Variants in DPYD observed in about 807,000 individuals in gnomAD.
The protein encoded by DPYD is dihydropyrimidine dehydrogenase.
In DPYD, 109 loss-of-function variants were observed where a neutral mutation model predicts 116.2. That is an observed-to-expected ratio of 0.94 (90% CI 0.80 to 1.10). The LOEUF (loss-of-function observed/expected upper bound fraction) is 1.10, where lower values mean the gene tolerates loss of function less well. Among genes scored for constraint, DPYD ranks in the 50% least tolerant of loss-of-function variants. The pLI is 0.00. For synonymous variants in DPYD, 440 were observed against 432.0 expected (o/e 1.02, Z -0.23); for missense variants, 1,302 against 1,254.5 (o/e 1.04, Z -0.57).
chr1:97,596,768 T>C (rs2786493), intron 8 of DPYD, among the ~76,000 whole-genome samples: 2,441 of 152,306 alleles, frequency 0.016, 56 homozygotes, highest in African/African-American at 0.055. Context: ...TAAACCACCA[T>C]TGTCTCTTCA....
intron 16 of DPYD, among the ~76,000 whole-genome samples, chr1:97,349,629 G>T (rs1445871134): frequency 6.6e-6 from 1 of 152,076 alleles, no homozygotes; most frequent in Admixed American, 6.6e-5. Flanking sequence ...AGTTTGCTGA[G>T]AATGATGGCT....
intron 3 of DPYD, among the ~76,000 whole-genome samples, chr1:97,774,441 T>C (rs1382151940): frequency 6.6e-6 from 1 of 152,194 alleles, no homozygotes; most frequent in Non-Finnish European, 1.5e-5. Flanking sequence ...TGCTAGAGGC[T>C]GTGGCAATGT....
chr1:97,550,848 G>A (rs1267233303), intron 11 of DPYD, among the ~76,000 whole-genome samples: 1 of 152,070 alleles, frequency 6.6e-6, no homozygotes, highest in African/African-American at 2.4e-5. Flanking sequence ...TGTTATTTTT[G>A]ACACCTAAAA....
At chr1:97,764,368 C>G (rs1377542627) in intron 3 of DPYD, among the ~76,000 whole-genome samples, 1 of 152,010 alleles carries the variant, frequency 6.6e-6, no homozygotes, top group Non-Finnish European at 1.5e-5. Flanking sequence ...ATTCCCTACT[C>G]AGAAATTCTT....
rs192255539 is a variant in DPYD, at chr1:97,110,125, G to C, written c.2623-11493C>G. 4.0e-4 allele frequency among the ~76,000 whole-genome samples: 61 copies of C among 152,102 alleles called. 1 individual carries two copies. The highest frequency in any genetic ancestry group is 5.0e-4 in the Non-Finnish European group (34 of 67,978). ...TGCCCAACAATACTTAAAGTTTTTG[G>C]TGTTTTAGGAAAAGATACTGAGGGA... On this transcript the variant is annotated intron_variant, in intron 20 of 22. Transcript: ENST00000370192.
chr1:97,399,874 C>T (rs960921356), intron 14 of DPYD, among the ~76,000 whole-genome samples: 2 of 152,026 alleles, frequency 1.3e-5, no homozygotes, highest in African/African-American at 4.8e-5. Flanking sequence ...TTTCTAGATA[C>T]ACGATCATGT....
chr1:97,622,687 T>A (rs951145810), intron 8 of DPYD, among the ~76,000 whole-genome samples: 1 of 152,074 alleles, frequency 6.6e-6, no homozygotes, highest in African/African-American at 2.4e-5. Flanking sequence ...CCAGCGATTC[T>A]GTATTGTCTC....
At position 97,168,408 on chromosome 1, in the gene DPYD, C is replaced by T. The variant is rs137978812; in HGVS notation, c.2622+24661G>A. Among the ~76,000 whole-genome samples the T allele has an allele frequency of 3.9e-5, 6 of 152,246 alleles. No individual in the cohort carries two copies. In the East Asian group the frequency reaches 9.7e-4, roughly 24 times the overall value. ...CCACTTGTTTTATCATCAGTTAAAGCACAGGTATCAGGAAGACCTACTTCA... is the reference window on the plus strand; with the variant it reads ...CCACTTGTTTTATCATCAGTTAAAGTACAGGTATCAGGAAGACCTACTTCA... On this transcript the variant is annotated intron_variant, in intron 20 of 22. Coordinates refer to ENST00000370192, the MANE Select transcript of DPYD (RefSeq NM_000110.4).
At chr1:97,194,796 C>A (rs1658632677) in intron 19 of DPYD, among the ~76,000 whole-genome samples, 1 of 152,114 alleles carries the variant, frequency 6.6e-6, no homozygotes, top group African/African-American at 2.4e-5. Flanking sequence ...ACCCACTGTG[C>A]CCGGCCTCAG....
At chr1:97,346,048 A>G (rs1427045750) in intron 16 of DPYD, among the ~76,000 whole-genome samples, 1 of 151,876 alleles carries the variant, frequency 6.6e-6, no homozygotes, top group Non-Finnish European at 1.5e-5. Flanking sequence ...TAAAAGTTTT[A>G]CCATATACAT....
intron 18 of DPYD, among the ~76,000 whole-genome samples, chr1:97,251,891 A>G (rs1022835828): frequency 6.6e-6 from 1 of 152,192 alleles, no homozygotes; most frequent in Non-Finnish European, 1.5e-5. Context: ...GTGAGACCCC[A>G]GAGCCAAATT....
intron 8 of DPYD, among the ~76,000 whole-genome samples, chr1:97,633,265 C>T (rs372140275): frequency 3.3e-5 from 5 of 151,886 alleles, no homozygotes; most frequent in Non-Finnish European, 5.9e-5. Context: ...TTTTGGACCA[C>T]GAAATGAGAC....
intron 4 of DPYD, among the ~76,000 whole-genome samples, chr1:97,735,757 A>G (rs1298311928): frequency 2.0e-5 from 3 of 151,126 alleles, no homozygotes; most frequent in African/African-American, 7.3e-5. Context: ...AAAGATTAAT[A>G]AAAAGCTGGC....
At chr1:97,527,280 T>C (rs1649211638) in intron 12 of DPYD, among the ~76,000 whole-genome samples, 1 of 152,142 alleles carries the variant, frequency 6.6e-6, no homozygotes, top group Admixed American at 6.5e-5. Context: ...GGTTTCACCA[T>C]GTTGGCCAGG....
chr1:97,256,602 C>G (rs1279006230), intron 18 of DPYD, among the ~76,000 whole-genome samples: 1 of 152,170 alleles, frequency 6.6e-6, no homozygotes, highest in Non-Finnish European at 1.5e-5. Context: ...TGAGGCCTCC[C>G]CAGCCATGTG....
At chr1:97,618,750 G>A (rs751270132) in intron 8 of DPYD, among the ~76,000 whole-genome samples, 3 of 152,086 alleles carry the variant, frequency 2.0e-5, no homozygotes, top group African/African-American at 7.2e-5. Flanking sequence ...AGAAATAAAC[G>A]TAGGATTTTA....
At chr1:97,273,647 A>G (rs950925608) in intron 18 of DPYD, among the ~76,000 whole-genome samples, 35 of 152,294 alleles carry the variant, frequency 2.3e-4, no homozygotes, top group South Asian at 1.2e-3. Flanking sequence ...ATGTGATTGA[A>G]TTACTGCACC....
At chr1:97,396,300 A>AGCT (rs1673002954) in intron 14 of DPYD, among the ~76,000 whole-genome samples, 1 of 151,828 alleles carries the variant, frequency 6.6e-6, no homozygotes, top group Non-Finnish European at 1.5e-5. Context: ...GTAGATACAA[A>AGCT]GCTTGATCTG....
intron 13 of DPYD, among the ~76,000 whole-genome samples, chr1:97,498,009 C>T (rs896360177): frequency 2.6e-5 from 4 of 151,710 alleles, no homozygotes; most frequent in African/African-American, 4.8e-5. Context: ...ATAAATGCTA[C>T]AACACAGGTA....
Sources: gnomAD v4.1 joint callset for allele counts (sites outside exome capture counted in the v4.1 genomes callset) on GRCh38, gnomAD v4.1.1 for gene constraint, MANE v1.5 for transcripts, NCBI Gene and HGNC (gene_info 2026-07-23, HGNC 2026-07-21) for gene names.